The following PPP3CC variants were observed in gnomAD, a reference collection of about 807,000 sequenced individuals.
PPP3CC encodes the protein serine/threonine-protein phosphatase 2B catalytic subunit gamma isoform.
In PPP3CC, 35 loss-of-function variants were observed where a neutral mutation model predicts 60.3. The observed-to-expected ratio is 0.58, with a 90% CI of 0.44 to 0.77. The LOEUF (loss-of-function observed/expected upper bound fraction) is 0.77, where lower values mean the gene tolerates loss of function less well. PPP3CC is among the 30% of genes least tolerant of loss of function. The pLI is 0.00. For synonymous variants in PPP3CC, 206 were observed against 224.3 expected, an observed-to-expected ratio of 0.92 and a Z score of 0.73; for missense variants, 570 against 628.9, an observed-to-expected ratio of 0.91 and a Z score of 1.00.
rs187655261 is a variant in PPP3CC at position 22,513,729 on chromosome 8, A to T, written c.770+297A>T. Reference sequence around the variant, plus strand: ...CTAAACATTATCTATACACTTTTTTAAAAAAAATTAAAGCTTTCTTGGCTC... The same window carrying T: ...CTAAACATTATCTATACACTTTTTTTAAAAAAATTAAAGCTTTCTTGGCTC... On this transcript the variant is annotated intron_variant, in intron 6 of 13. Coordinates refer to ENST00000240139, the MANE Select transcript of PPP3CC (RefSeq NM_005605.5). Among the ~76,000 whole-genome samples the T allele has an allele frequency of 1.9e-3, 296 of 152,106 alleles. 3 individuals are homozygous for T. Among genetic ancestry groups the T allele is most frequent in the Admixed American group, 6.5e-3 (99 of 15,276 alleles).
At chr8:22,513,508 A>G (rs998888347) in intron 6 of PPP3CC, 76 bp downstream of exon 6, 25 of 1,448,218 alleles carry the variant, frequency 1.7e-5, no homozygotes, top group Non-Finnish European at 1.9e-5. Context: ...TCAGCATTTT[A>G]TATTTCAAAT....
At chr8:22,534,211 AAAC>A (rs1398880598) in intron 12 of PPP3CC, among the ~76,000 whole-genome samples, 6 of 151,280 alleles carry the variant, frequency 4.0e-5, no homozygotes, top group African/African-American at 9.8e-5. Flanking sequence ...AAAAAAAAAA[AAAC>A]AAACACCACA....
chr8:22,441,520 G>A, intron 1 of PPP3CC, 62 bp downstream of exon 1: 2 of 1,469,310 alleles, frequency 1.4e-6, no homozygotes, highest in Non-Finnish European at 1.8e-6. Flanking sequence ...CTGGGCGGCG[G>A]CTCGGGGCGG....
intron 3 of PPP3CC, among the ~76,000 whole-genome samples, chr8:22,476,864 G>A (rs184643763): frequency 4.0e-5 from 6 of 151,274 alleles, no homozygotes; most frequent in East Asian, 2.0e-4. Context: ...CCTGGGAGAC[G>A]GAGCTTGCAG....
At chr8:22,532,782 T>TGAGTCATCC (rs1461199594) in intron 11 of PPP3CC, 139 bp from the exon 12 acceptor site, 2 of 547,640 alleles carry the variant, frequency 3.7e-6, no homozygotes, top group African/African-American at 3.9e-5. Flanking sequence ...AACATCCCTT[T>TGAGTCATCC]CTTTGAGTCA....
At chr8:22,486,056 C>A (rs192905123) in intron 3 of PPP3CC, among the ~76,000 whole-genome samples, 1 of 151,618 alleles carries the variant, frequency 6.6e-6, no homozygotes, top group African/African-American at 2.4e-5. Flanking sequence ...GCTTCCCCCC[C>A]GCCCTCTTGA....
chr8:22,529,696 C>G (rs1186612583), intron 10 of PPP3CC, among the ~76,000 whole-genome samples: 1 of 151,956 alleles, frequency 6.6e-6, no homozygotes, highest in African/African-American at 2.4e-5. Context: ...GTTGCCCAGG[C>G]TAGTCTGGAA....
In PPP3CC at chr8:22,526,020, G is replaced by A. The variant is rs373040139; in HGVS notation, c.944-1372G>A. On this transcript the variant is annotated intron_variant, in intron 8 of 13. Transcript: ENST00000240139. ...GTAGCTGGGACTACAGGTGCACGTCGCCACGCCTGGCTAATTTTTTTTATT... is the reference window on the plus strand; with the variant it reads ...GTAGCTGGGACTACAGGTGCACGTCACCACGCCTGGCTAATTTTTTTTATT... Among the ~76,000 whole-genome samples, 152 of 150,446 alleles carry A rather than the reference G, an allele frequency of 1.0e-3. 1 individual carries two copies. The highest frequency in any genetic ancestry group is 3.3e-3 in the African/African-American group (134 of 40,824).
intron 1 of PPP3CC, among the ~76,000 whole-genome samples, chr8:22,453,784 A>G (rs1449018044): frequency 6.6e-6 from 1 of 152,240 alleles, no homozygotes; most frequent in Non-Finnish European, 1.5e-5. Context: ...AGGCAACTGT[A>G]ACACAACAGT....
intron 1 of PPP3CC, among the ~76,000 whole-genome samples, chr8:22,456,068 G>T (rs146064092): frequency 6.6e-6 from 1 of 152,348 alleles, no homozygotes; most frequent in African/African-American, 2.4e-5. Context: ...GTCTGAAAAA[G>T]TAGGGCAGGA....
At chr8:22,531,513 G>A (rs1839716333) in intron 10 of PPP3CC, among the ~76,000 whole-genome samples, 1 of 152,178 alleles carries the variant, frequency 6.6e-6, no homozygotes. Context: ...GGTTGGATGT[G>A]AGGAAGGAGA....
intron 6 of PPP3CC, among the ~76,000 whole-genome samples, chr8:22,514,108 T>G (rs1217669179): frequency 6.6e-6 from 1 of 151,988 alleles, no homozygotes; most frequent in Non-Finnish European, 1.5e-5. Flanking sequence ...TAGCCAGATG[T>G]GGTGGCAACA....
chr8:22,511,289 T>C (rs1839079831), intron 5 of PPP3CC, 58 bp downstream of exon 5: 2 of 1,521,174 alleles, frequency 1.3e-6, no homozygotes, highest in Non-Finnish European at 1.8e-6. Flanking sequence ...TGGGTTTTTT[T>C]GTTGTTGTTG....
At chr8:22,531,308 A>G (rs922831285) in intron 10 of PPP3CC, 27 of 1,531,978 alleles carry the variant, frequency 1.8e-5, no homozygotes, top group Non-Finnish European at 2.2e-5. Flanking sequence ...GAAGATCACT[A>G]CATTCCAAGC....
Position 22,533,642 on chromosome 8 carries a change from T to C in PPP3CC, c.1321+624T>C, listed in dbSNP as rs981766628. Reference sequence around the variant, plus strand: ...GAGTTCGAGACCAGCCTGGCCAACATGGTGAAACTCCGTCTCTACTAAAAA... The same window carrying C: ...GAGTTCGAGACCAGCCTGGCCAACACGGTGAAACTCCGTCTCTACTAAAAA... On this transcript the variant is annotated intron_variant, in intron 12 of 13. Coordinates refer to ENST00000240139, the MANE Select transcript of PPP3CC (RefSeq NM_005605.5). Among the ~76,000 whole-genome samples the C allele has an allele frequency of 2.0e-5, 3 of 148,142 alleles. No individual in the cohort carries two copies. The Admixed American group carries it at 2.0e-4, about 10-fold the overall frequency.
Position 22,535,865 on chromosome 8 carries a change from G to A in PPP3CC, c.1321+2847G>A, listed in dbSNP as rs1839833491. ...TCCTGCCTCAGCCTCCCAAGTAGTT[G>A]GAACTACAGGCGTACACCGCCATGC... On this transcript the variant is annotated intron_variant, in intron 12 of 13. Coordinates refer to ENST00000240139, the MANE Select transcript of PPP3CC (RefSeq NM_005605.5). 2.0e-5 allele frequency among the ~76,000 whole-genome samples: 3 copies of A among 152,060 alleles called. No individual in the cohort carries two copies. In the South Asian group the frequency reaches 6.2e-4, roughly 32 times the overall value.
At chr8:22,444,447 A>T (rs1836765983) in intron 1 of PPP3CC, among the ~76,000 whole-genome samples, 1 of 152,220 alleles carries the variant, frequency 6.6e-6, no homozygotes. Context: ...TTAACATTTG[A>T]AAATATCAGA....
intron 4 of PPP3CC, among the ~76,000 whole-genome samples, chr8:22,499,541 C>T (rs1490066808): frequency 1.3e-5 from 2 of 152,130 alleles, no homozygotes; most frequent in African/African-American, 4.8e-5. Context: ...ACGATCCCTT[C>T]AGCCCAGGAG....
At chr8:22,490,603 T>TC (rs1365834000) in intron 3 of PPP3CC, among the ~76,000 whole-genome samples, 4 of 72,562 alleles carry the variant, frequency 5.5e-5, no homozygotes, top group Non-Finnish European at 1.1e-4. Context: ...GCCTCCCCCC[T>TC]CCCCCCACCC....
Sources: gnomAD v4.1 joint callset for allele counts (sites outside exome capture counted in the v4.1 genomes callset) on GRCh38, gnomAD v4.1.1 for gene constraint, MANE v1.5 for transcripts, NCBI Gene and HGNC (gene_info 2026-07-23, HGNC 2026-07-21) for gene names.